PHF20L1: variants seen among roughly 807,000 people sequenced by gnomAD.
The protein encoded by PHF20L1 is PHD finger protein 20 like 1, also known as PHD finger protein 20-like protein 1.
PHF20L1 carries 44 observed loss-of-function variants against 125.5 expected under a neutral mutation model. The observed-to-expected ratio is 0.35, with a 90% CI of 0.28 to 0.45. The LOEUF is 0.45. Among genes scored for constraint, PHF20L1 ranks in the 20% least tolerant of loss-of-function variants. The probability of loss-of-function intolerance (pLI) is 1.00; values close to 1 mark genes in which losing one functional copy is unlikely to be tolerated. For synonymous variants in PHF20L1, 380 were observed against 403.1 expected (o/e 0.94, Z 0.69); for missense variants, 1,012 against 1,217.2 (o/e 0.83, Z 2.51).
At chr8:132,798,988 A>G (rs1435213477) in intron 5 of PHF20L1, 107 bp from the exon 6 acceptor site, 26 of 1,125,256 alleles carry the variant, frequency 2.3e-5, no homozygotes, top group Non-Finnish European at 3.4e-5. Flanking sequence ...ATAGCCCCAA[A>G]TAGCAGCAAG....
At chr8:132,833,017 G>A (rs917608130) in intron 15 of PHF20L1, among the ~76,000 whole-genome samples, 5 of 152,196 alleles carry the variant, frequency 3.3e-5, no homozygotes, top group African/African-American at 9.6e-5. Context: ...AGTCCTGACA[G>A]TGGAAAGTGT....
At chr8:132,822,479 A>G (rs1470240017) in intron 12 of PHF20L1, among the ~76,000 whole-genome samples, 2 of 151,990 alleles carry the variant, frequency 1.3e-5, no homozygotes, top group East Asian at 3.9e-4. Context: ...TGTTAGCAAT[A>G]TATCTGAATG....
Position 132,814,853 on chromosome 8 carries a change from G to C in PHF20L1, c.1147G>C (p.Val383Leu). ...AATACAAGTCGAGGATTTGACGCTT[G>C]TATCTCAGCTTTCTTCTTCAGTGAT... ...ELIQVEDLTL[V>L]SQLSSSVINK... The change falls in exon 10 of 21, where the codon GTA (valine) becomes CTA (leucine). Residue 383 changes from valine (V) to leucine (L), a missense_variant. This residue lies in a region of PHF20L1 where 119 missense variants were observed against 160.2 expected (regional missense o/e 0.74). Transcript: ENST00000395386. The C allele has an allele frequency of 6.2e-7, 1 of 1,609,390 alleles. No homozygotes were observed. Among genetic ancestry groups the C allele is most frequent in the Non-Finnish European group, 8.5e-7 (1 of 1,176,512 alleles).
chr8:132,821,303 A>G (rs1470385575), intron 12 of PHF20L1, among the ~76,000 whole-genome samples: 1 of 151,980 alleles, frequency 6.6e-6, no homozygotes, highest in Non-Finnish European at 1.5e-5. Flanking sequence ...TAGAGTGTTC[A>G]TGAATTATAT....
At chr8:132,802,502 G>A (rs950405021) in intron 6 of PHF20L1, among the ~76,000 whole-genome samples, 5 of 151,554 alleles carry the variant, frequency 3.3e-5, no homozygotes, top group South Asian at 2.1e-4. Flanking sequence ...ATCTCCTGTC[G>A]CAGCTTATAG....
chr8:132,779,503 CTT>C (rs1430684985), intron 2 of PHF20L1, among the ~76,000 whole-genome samples: 1 of 152,128 alleles, frequency 6.6e-6, no homozygotes, highest in African/African-American at 2.4e-5. Context: ...TGATATTACT[CTT>C]AAGTGATTTA....
At chr8:132,794,655 AT>A in intron 3 of PHF20L1, 74 bp downstream of exon 3, 1 of 1,502,202 alleles carries the variant, frequency 6.7e-7, no homozygotes, top group Non-Finnish European at 9.2e-7. Context: ...ATTCTGTTAA[AT>A]TATACAAAAG....
intron 20 of PHF20L1, 88 bp downstream of exon 20, chr8:132,844,406 T>C: frequency 2.0e-6 from 2 of 1,017,156 alleles, no homozygotes; most frequent in Non-Finnish European, 2.9e-6. Flanking sequence ...AATTATGGGA[T>C]GAAAACTGCA....
chr8:132,780,336 A>G (rs1014230998), intron 2 of PHF20L1, among the ~76,000 whole-genome samples: 1 of 152,112 alleles, frequency 6.6e-6, no homozygotes, highest in African/African-American at 2.4e-5. Context: ...AGGATAATAA[A>G]CTTAATTCTT....
chr8:132,840,457 C>T lies in PHF20L1; in HGVS notation c.2387+875C>T, dbSNP rs558927134. Among the ~76,000 whole-genome samples the T allele has an allele frequency of 1.6e-4, 24 of 152,258 alleles. No homozygotes were observed. In the East Asian group the frequency reaches 3.3e-3, roughly 21 times the overall value. ...GTACTCTATCAGTTCATTCTTTGTACTGCTGCCAGTGTAAGCTTAGTAAAA... is the reference window on the plus strand; with the variant it reads ...GTACTCTATCAGTTCATTCTTTGTATTGCTGCCAGTGTAAGCTTAGTAAAA... On this transcript the variant is annotated intron_variant, in intron 18 of 20. Transcript: ENST00000395386.
chr8:132,832,867 C>A (rs929722841), intron 15 of PHF20L1, among the ~76,000 whole-genome samples: 1 of 152,078 alleles, frequency 6.6e-6, no homozygotes, highest in Non-Finnish European at 1.5e-5. Context: ...TCAGATACAT[C>A]TGTAACCAAA....
Position 132,836,697 on chromosome 8 carries a change from T to C in PHF20L1, c.2067T>C (p.Asp689=). Reference sequence around the variant, plus strand: ...TTGTGCGATGTATTTGTGAGATGGATGAGGAGAATGGCTTCATGATCCAGG... The same window carrying C: ...TTGTGCGATGTATTTGTGAGATGGACGAGGAGAATGGCTTCATGATCCAGG... ...NEIVRCICEM[D]EENGFMIQCE... The change falls in exon 16 of 21, where the codon GAT becomes GAC. Residue 689 remains aspartate (D), a synonymous_variant. Transcript: ENST00000395386. 6.2e-7 allele frequency: 1 copy of C among 1,612,554 alleles called. No individual in the cohort carries two copies. The highest frequency in any genetic ancestry group is 1.1e-5 in the South Asian group (1 of 91,000).
intron 12 of PHF20L1, among the ~76,000 whole-genome samples, chr8:132,822,951 AG>A (rs1835762631): frequency 6.6e-6 from 1 of 151,986 alleles, no homozygotes; most frequent in Admixed American, 6.6e-5. Context: ...AATGTACTGT[AG>A]TATTTTTCTT....
chr8:132,823,738 C>T (rs989090628), intron 12 of PHF20L1, among the ~76,000 whole-genome samples: 8 of 151,914 alleles, frequency 5.3e-5, no homozygotes, highest in African/African-American at 1.9e-4. Context: ...ATGATGTCCT[C>T]AAGGCCACAG....
intron 2 of PHF20L1, 128 bp downstream of exon 2, chr8:132,778,039 A>T: frequency 3.2e-6 from 2 of 621,152 alleles, no homozygotes; most frequent in Non-Finnish European, 2.8e-6. Flanking sequence ...TTACACATAT[A>T]TGTTGTTTTT....
In PHF20L1 at chr8:132,837,812, G is replaced by A; in HGVS notation, c.2191+1G>A. ...TGCTATATCTGCCGGGACCCACCAG[G>A]TAAGGCTTTCTGTGCCGTGCTGATT... On this transcript the variant is annotated splice_donor_variant, in intron 17 of 20. Transcript: ENST00000395386. LOFTEE classifies it high-confidence loss of function. 2 of 1,607,810 alleles carry A rather than the reference G, an allele frequency of 1.2e-6. No homozygotes were observed. Among genetic ancestry groups the A allele is most frequent in the Non-Finnish European group, 1.7e-6 (2 of 1,174,896 alleles).
At chr8:132,832,117 A>T in intron 14 of PHF20L1, 118 bp from the exon 15 acceptor site, 1 of 690,544 alleles carries the variant, frequency 1.4e-6, no homozygotes, top group South Asian at 1.8e-5. Context: ...CATGGATGAG[A>T]AGCGAAAGTG....
At chr8:132,786,040 A>G (rs1830985961) in intron 2 of PHF20L1, among the ~76,000 whole-genome samples, 1 of 152,148 alleles carries the variant, frequency 6.6e-6, no homozygotes, top group South Asian at 2.1e-4. Flanking sequence ...ACCATTTCAG[A>G]AAATTATGGC....
rs1433548397 is a variant in PHF20L1, at chr8:132,803,923, T to C, written c.612T>C (p.Asp204=). Residue 204 remains aspartate, a synonymous_variant, in exon 7 of 21, where the codon GAT becomes GAC. Coordinates refer to ENST00000395386, the MANE Select transcript of PHF20L1 (RefSeq NM_016018.5). ...SANSNKDKDK[D]ERKWFKVPSK... ...ACAGCAATAAAGATAAGGATAAAGATGAGAGAAAGTGGTTTAAAGTACCTT... is the reference window on the plus strand; with the variant it reads ...ACAGCAATAAAGATAAGGATAAAGACGAGAGAAAGTGGTTTAAAGTACCTT... 1.9e-6 allele frequency: 3 copies of C among 1,610,844 alleles called. No individual in the cohort carries two copies. The highest frequency in any genetic ancestry group is 2.5e-6 in the Non-Finnish European group (3 of 1,177,734).
Sources: allele counts gnomAD v4.1 joint callset (sites outside exome capture counted in the v4.1 genomes callset), GRCh38; gene constraint gnomAD v4.1.1; regional missense constraint gnomAD v4.1.1; transcripts MANE v1.5; gene names NCBI Gene and HGNC (gene_info 2026-07-23, HGNC 2026-07-21).